The following GRIA4 variants were observed in gnomAD, a reference collection of about 807,000 sequenced individuals.
GRIA4 encodes glutamate ionotropic receptor AMPA type subunit 4, also known as glutamate receptor 4.
A neutral mutation model predicts 104.0 loss-of-function variants in GRIA4; 34 were observed. The ratio of observed to expected loss-of-function variants is 0.33; its 90% CI spans 0.25 to 0.44. The LOEUF is 0.44. Ranked by LOEUF, GRIA4 falls within the 20% of genes least tolerant of loss-of-function variation. The pLI is 1.00. For synonymous variants in GRIA4, 386 were observed against 381.9 expected (o/e 1.01, Z -0.13); for missense variants, 750 against 1,096.5 (o/e 0.68, Z 4.46).
At chr11:105,764,982 G>C (rs971318755) in intron 4 of GRIA4, among the ~76,000 whole-genome samples, 1 of 151,938 alleles carries the variant, frequency 6.6e-6, no homozygotes, top group South Asian at 2.1e-4. Flanking sequence ...CTACCCATTG[G>C]AGCAGATGTT....
chr11:105,634,970 C>T (rs866209120), intron 3 of GRIA4, among the ~76,000 whole-genome samples: 11 of 152,076 alleles, frequency 7.2e-5, no homozygotes, highest in Admixed American at 1.3e-4. Context: ...ATTATGGATA[C>T]CTTTGTCTAT....
At chr11:105,927,697 A>T (rs909375697) in intron 13 of GRIA4, among the ~76,000 whole-genome samples, 2 of 151,830 alleles carry the variant, frequency 1.3e-5, no homozygotes, top group Non-Finnish European at 1.5e-5. Flanking sequence ...ATGGGGATGA[A>T]TTTTTTTTAT....
intron 3 of GRIA4, among the ~76,000 whole-genome samples, chr11:105,640,212 T>C (rs1565425383): frequency 6.6e-6 from 1 of 151,972 alleles, no homozygotes. Context: ...AAAAGCTAGA[T>C]GTTTCATAAG....
chr11:105,743,701 T>C (rs1383503094), intron 3 of GRIA4, among the ~76,000 whole-genome samples: 3 of 152,190 alleles, frequency 2.0e-5, no homozygotes, highest in Non-Finnish European at 4.4e-5. Context: ...TTTCTGTGTA[T>C]TATAAAACTG....
chr11:105,688,952 T>TA (rs551820465), intron 3 of GRIA4, among the ~76,000 whole-genome samples: 6 of 150,438 alleles, frequency 4.0e-5, no homozygotes, highest in Admixed American at 3.3e-4. Context: ...AGTTGACACC[T>TA]AAAAAAAAAT....
intron 3 of GRIA4, among the ~76,000 whole-genome samples, chr11:105,720,927 C>T (rs1477620067): frequency 6.6e-6 from 1 of 152,090 alleles, no homozygotes; most frequent in Non-Finnish European, 1.5e-5. Context: ...CCCCATGGCC[C>T]CCAGACTTTA....
intron 3 of GRIA4, among the ~76,000 whole-genome samples, chr11:105,658,133 C>T (rs1208253086): frequency 6.6e-6 from 1 of 151,476 alleles, no homozygotes; most frequent in African/African-American, 2.4e-5. Flanking sequence ...ATTGTCTCAC[C>T]TTAAAAGATG....
chr11:105,621,611 A>G (rs1246712964), intron 3 of GRIA4, among the ~76,000 whole-genome samples: 1 of 151,752 alleles, frequency 6.6e-6, no homozygotes, highest in African/African-American at 2.4e-5. Context: ...TGATTAATGT[A>G]TTCAATCTCC....
chr11:105,708,478 T>C (rs1953788753), intron 3 of GRIA4, among the ~76,000 whole-genome samples: 1 of 152,162 alleles, frequency 6.6e-6, no homozygotes, highest in Non-Finnish European at 1.5e-5. Context: ...AACCTAACTA[T>C]ATTACAAATA....
At chr11:105,893,035 T>A (rs191818639) in intron 6 of GRIA4, among the ~76,000 whole-genome samples, 1 of 152,102 alleles carries the variant, frequency 6.6e-6, no homozygotes, top group Non-Finnish European at 1.5e-5. Context: ...CATTTTATTT[T>A]CCCCCAAAAG....
chr11:105,695,898 T>C (rs1359368161), intron 3 of GRIA4, among the ~76,000 whole-genome samples: 8 of 152,174 alleles, frequency 5.3e-5, no homozygotes, highest in African/African-American at 1.9e-4. Flanking sequence ...ACCATTGTAT[T>C]CTAGTCTCTC....
chr11:105,736,134 A>C (rs1173643875), intron 3 of GRIA4, among the ~76,000 whole-genome samples: 1 of 152,166 alleles, frequency 6.6e-6, no homozygotes, highest in Admixed American at 6.6e-5. Context: ...GAGTACCCAG[A>C]CACACTGGGC....
intron 3 of GRIA4, among the ~76,000 whole-genome samples, chr11:105,738,003 G>A (rs1939061417): frequency 6.6e-6 from 1 of 151,864 alleles, no homozygotes; most frequent in African/African-American, 2.4e-5. Context: ...TATATAATAA[G>A]TTCCCCCTCC....
intron 3 of GRIA4, among the ~76,000 whole-genome samples, chr11:105,619,097 T>C (rs1392047986): frequency 1.3e-5 from 2 of 151,058 alleles, no homozygotes; most frequent in African/African-American, 4.9e-5. Flanking sequence ...AGCAACCCCA[T>C]AGAGATTCTA....
intron 4 of GRIA4, among the ~76,000 whole-genome samples, chr11:105,846,374 A>G (rs912870123): frequency 2.6e-5 from 4 of 152,118 alleles, no homozygotes; most frequent in African/African-American, 9.7e-5. Flanking sequence ...TTCAGAAAAT[A>G]TTTACATACA....
chr11:105,797,672 C>A (rs1170012825), intron 4 of GRIA4: 1 of 322,656 alleles, frequency 3.1e-6, no homozygotes, highest in Admixed American at 4.0e-5. Flanking sequence ...ATCGTGCTAC[C>A]TTTTCTGAAA....
intron 3 of GRIA4, among the ~76,000 whole-genome samples, chr11:105,632,666 G>A (rs1951064877): frequency 6.6e-6 from 1 of 152,182 alleles, no homozygotes; most frequent in African/African-American, 2.4e-5. Flanking sequence ...GCCAAGCATT[G>A]TGGCTGACTA....
chr11:105,833,541 G>C (rs1018666653), intron 4 of GRIA4, among the ~76,000 whole-genome samples: 1 of 151,888 alleles, frequency 6.6e-6, no homozygotes, highest in South Asian at 2.1e-4. Context: ...AAATAAATAA[G>C]TATTCTACCT....
intron 4 of GRIA4, among the ~76,000 whole-genome samples, chr11:105,840,458 T>C (rs1207373427): frequency 1.3e-5 from 2 of 152,224 alleles, no homozygotes; most frequent in East Asian, 1.9e-4. Context: ...GCATAACTCA[T>C]GGGAACTTTA....
Sources: gnomAD v4.1 joint callset for allele counts (sites outside exome capture counted in the v4.1 genomes callset) on GRCh38, gnomAD v4.1.1 for gene constraint, MANE v1.5 for transcripts, NCBI Gene and HGNC (gene_info 2026-07-23, HGNC 2026-07-21) for gene names.